Variants in CCDC138 observed in about 807,000 individuals in gnomAD.
CCDC138 encodes the protein coiled-coil domain-containing protein 138.
Under a neutral mutation model 82.3 loss-of-function variants are expected in CCDC138, and 66 were observed. The observed-to-expected ratio is 0.80, with a 90% confidence interval of 0.66 to 0.98. The LOEUF (loss-of-function observed/expected upper bound fraction) is 0.98, where lower values mean the gene tolerates loss of function less well. CCDC138 is among the 50% of genes least tolerant of loss of function. The probability of loss-of-function intolerance (pLI) is 0.00; values close to 1 mark genes in which losing one functional copy is unlikely to be tolerated. For synonymous variants in CCDC138, 297 were observed against 265.4 expected (o/e 1.12, Z -1.16); for missense variants, 816 against 758.9 (o/e 1.08, Z -0.88).
intron 11 of CCDC138, among the ~76,000 whole-genome samples, chr2:108,843,428 G>A (rs2150529531): frequency 6.6e-6 from 1 of 152,340 alleles, no homozygotes; most frequent in South Asian, 2.1e-4. Context: ...AAAGTGCTGG[G>A]ATTACAGGCA....
chr2:108,844,196 C>G (rs1327489469), intron 11 of CCDC138, among the ~76,000 whole-genome samples: 9 of 151,970 alleles, frequency 5.9e-5, no homozygotes, highest in Admixed American at 5.9e-4. Context: ...CTGATTTTTC[C>G]TTTCCTGGAC....
chr2:108,791,850 G>A (rs1320627954), intron 4 of CCDC138, 48 bp downstream of exon 4: 1 of 1,511,730 alleles, frequency 6.6e-7, no homozygotes, highest in East Asian at 2.3e-5. Context: ...ACTTTGTCAA[G>A]TAGAGTAAAT....
intron 9 of CCDC138, among the ~76,000 whole-genome samples, chr2:108,814,995 TG>T (rs1319855559): frequency 1.3e-5 from 2 of 152,160 alleles, no homozygotes; most frequent in African/African-American, 4.8e-5. Context: ...ATATGTGTAG[TG>T]GTATCTTATT....
chr2:108,792,720 C>G (rs1457060075), intron 4 of CCDC138, among the ~76,000 whole-genome samples: 1 of 152,080 alleles, frequency 6.6e-6, no homozygotes, highest in Non-Finnish European at 1.5e-5. Context: ...GAAGACACAC[C>G]CCCCTCCTTT....
rs1303248284 is a variant in CCDC138 at position 108,874,355 on chromosome 2, T to G, written c.1832+766T>G. On this transcript the variant is annotated intron_variant, in intron 14 of 14. Transcript: ENST00000295124. ...ATCATGGGCTTTGTTTCCTCATCTTTCTCCTGACTCAGAAACTTGTATAAC... is the reference window on the plus strand; with the variant it reads ...ATCATGGGCTTTGTTTCCTCATCTTGCTCCTGACTCAGAAACTTGTATAAC... Among the ~76,000 whole-genome samples, 4 of 152,308 alleles carry G rather than the reference T, an allele frequency of 2.6e-5. No individual in the cohort carries two copies. The East Asian group carries it at 7.7e-4, about 29-fold the overall frequency.
chr2:108,875,339 A>C (rs1695877649), intron 14 of CCDC138, among the ~76,000 whole-genome samples: 2 of 148,200 alleles, frequency 1.3e-5, no homozygotes, highest in African/African-American at 4.9e-5. Flanking sequence ...AAAAAAAAGA[A>C]ACAAATTCTT....
At chr2:108,865,115 C>T (rs554747940) in intron 13 of CCDC138, among the ~76,000 whole-genome samples, 1 of 152,054 alleles carries the variant, frequency 6.6e-6, no homozygotes, top group East Asian at 1.9e-4. Flanking sequence ...CTTTTTATCA[C>T]AGGAATGCTA....
chr2:108,865,399 A>T (rs1694265016), intron 13 of CCDC138, among the ~76,000 whole-genome samples: 1 of 152,136 alleles, frequency 6.6e-6, no homozygotes, highest in African/African-American at 2.4e-5. Flanking sequence ...TTTCATTAGG[A>T]TCAGTTTCTA....
At chr2:108,816,462 A>T (rs1004748796) in intron 10 of CCDC138, among the ~76,000 whole-genome samples, 1 of 152,144 alleles carries the variant, frequency 6.6e-6, no homozygotes, top group Non-Finnish European at 1.5e-5. Context: ...AAAGAAAAAA[A>T]CAAAAAACAA....
intron 10 of CCDC138, among the ~76,000 whole-genome samples, chr2:108,822,278 C>T (rs1271991555): frequency 6.6e-6 from 1 of 151,480 alleles, no homozygotes; most frequent in Non-Finnish European, 1.5e-5. Flanking sequence ...ATATTTATGC[C>T]CTGAAACATC....
At chr2:108,852,963 G>A (rs1057224608) in intron 12 of CCDC138, among the ~76,000 whole-genome samples, 9 of 152,142 alleles carry the variant, frequency 5.9e-5, no homozygotes, top group Admixed American at 2.0e-4. Context: ...AGAGGATATA[G>A]GCACAATTTT....
At chr2:108,844,516 A>G (rs1370844425) in intron 11 of CCDC138, among the ~76,000 whole-genome samples, 4 of 151,834 alleles carry the variant, frequency 2.6e-5, no homozygotes. Flanking sequence ...GACAATTCTA[A>G]CATTCTGTCC....
At chr2:108,813,557 C>T (rs1190252585) in intron 9 of CCDC138, among the ~76,000 whole-genome samples, 1 of 152,160 alleles carries the variant, frequency 6.6e-6, no homozygotes, top group Non-Finnish European at 1.5e-5. Context: ...ATATTTCAGT[C>T]AAGACTACAA....
chr2:108,879,958 A>G (rs13414516), downstream of CCDC138, among the ~76,000 whole-genome samples: 2,660 of 152,296 alleles, frequency 0.017, 89 homozygotes, highest in African/African-American at 0.062. Flanking sequence ...GACTATATCT[A>G]TTCTCCAGGT....
chr2:108,812,560 G>A, intron 7 of CCDC138, 71 bp from the exon 8 acceptor site: 10 of 1,122,926 alleles, frequency 8.9e-6, no homozygotes, highest in Non-Finnish European at 1.3e-5. Flanking sequence ...TTAGATAGTA[G>A]ATTGGGAAAC....
At chr2:108,870,731 G>A (rs1030403306) in intron 13 of CCDC138, among the ~76,000 whole-genome samples, 1 of 152,172 alleles carries the variant, frequency 6.6e-6, no homozygotes, top group Admixed American at 6.5e-5. Flanking sequence ...AGGCACAAAA[G>A]GATATATCTT....
At chr2:108,788,745 TGAGA>T in intron 2 of CCDC138, 103 bp from the exon 3 acceptor site, 1 of 1,448,410 alleles carries the variant, frequency 6.9e-7, no homozygotes, top group South Asian at 1.4e-5. Flanking sequence ...AAAAAAAATT[TGAGA>T]GAGAAGATTT....
At chr2:108,836,044 C>T (rs1178109657) in intron 10 of CCDC138, among the ~76,000 whole-genome samples, 4 of 152,154 alleles carry the variant, frequency 2.6e-5, no homozygotes, top group South Asian at 4.1e-4. Flanking sequence ...GCTCTCCTGA[C>T]GTAAACACTT....
intron 13 of CCDC138, among the ~76,000 whole-genome samples, chr2:108,862,367 A>G (rs9808000): frequency 0.87 from 132,803 of 152,196 alleles, 58,328 homozygotes; most frequent in East Asian, 1. Context: ...TTCCTCAGGG[A>G]TCTTCACAGG....
Sources: gnomAD v4.1 joint callset for allele counts (sites outside exome capture counted in the v4.1 genomes callset) on GRCh38, gnomAD v4.1.1 for gene constraint, MANE v1.5 for transcripts, NCBI Gene and HGNC (gene_info 2026-07-23, HGNC 2026-07-21) for gene names.